CKAP5: variants seen among roughly 807,000 people sequenced by gnomAD.
The protein encoded by CKAP5 is cytoskeleton-associated protein 5.
CKAP5 carries 27 observed loss-of-function variants against 232.8 expected under a neutral mutation model. The ratio of observed to expected loss-of-function variants is 0.12; its 90% CI spans 0.09 to 0.16. The LOEUF is 0.16. Ranked by LOEUF, CKAP5 falls within the 10% of genes least tolerant of loss-of-function variation. CKAP5 has a pLI of 1.00. For missense variants in CKAP5, 1,838 were observed against 2,424.7 expected, an observed-to-expected ratio of 0.76 and a Z score of 5.08; for synonymous variants, 785 against 841.1, an observed-to-expected ratio of 0.93 and a Z score of 1.16.
At position 46,762,619 on chromosome 11, in the gene CKAP5, T is replaced by G; in HGVS notation, c.4027+8A>C. ...GATTCACATCTCAGTTTAAACTGTTTGCTTCACCTGCTCTCTGCTTAGAGT... is the reference window on the plus strand; with the variant it reads ...GATTCACATCTCAGTTTAAACTGTTGGCTTCACCTGCTCTCTGCTTAGAGT... On this transcript the variant is annotated splice_region_variant and intron_variant, in intron 31 of 43. Coordinates refer to ENST00000529230, the MANE Select transcript of CKAP5 (RefSeq NM_001008938.4). 1 of 1,614,012 alleles carries G rather than the reference T, an allele frequency of 6.2e-7. No individual in the cohort carries two copies. Among genetic ancestry groups the G allele is most frequent in the African/African-American group, 1.3e-5 (1 of 75,054 alleles).
rs749373690 is a variant in CKAP5 at position 46,783,376 on chromosome 11, G to C, written c.2155-8C>G. 1.9e-6 allele frequency: 3 copies of C among 1,539,366 alleles called. No individual in the cohort carries two copies. Among genetic ancestry groups the C allele is most frequent in the African/African-American group, 2.7e-5 (2 of 73,114 alleles). On this transcript the variant is annotated splice_region_variant and splice_polypyrimidine_tract_variant and intron_variant, in intron 17 of 43. Transcript: ENST00000529230. The stretch of plus-strand genomic sequence containing the variant: ...GAAAGCCATTGACACAACCTGAAAA[G>C]GGAAAAACAGCAGATCTGTGTTTTA...
intron 22 of CKAP5, 122 bp downstream of exon 22, chr11:46,778,017 A>G: frequency 2.7e-6 from 2 of 740,022 alleles, no homozygotes; most frequent in Non-Finnish European, 4.4e-6. Context: ...AAAGGCAGCT[A>G]TTTCTAGTTC....
In CKAP5 at chr11:46,763,376, C is replaced by T. The variant is rs937006910; in HGVS notation, c.3687+105G>A. The T allele has an allele frequency of 1.4e-5, 15 of 1,080,628 alleles. No homozygotes were observed. In the African/African-American group the frequency reaches 2.2e-4, roughly 16 times the overall value. 66.9% of individuals were successfully genotyped at this position (1,080,628 alleles called of 1,614,324 possible). ...ACAAGACAGCTCTAAAAATAGAGAACATAGTATATTCTACTTCCAAGTCAT... is the reference window on the plus strand; with the variant it reads ...ACAAGACAGCTCTAAAAATAGAGAATATAGTATATTCTACTTCCAAGTCAT... On this transcript the variant is annotated intron_variant, in intron 29 of 43. Transcript: ENST00000529230.
intron 1 of CKAP5, among the ~76,000 whole-genome samples, chr11:46,833,730 T>G (rs1939850032): frequency 6.6e-6 from 1 of 151,304 alleles, no homozygotes; most frequent in African/African-American, 2.4e-5. Context: ...GCCCGCCTCG[T>G]CCTCCCAAAC....
intron 32 of CKAP5, 82 bp from the exon 33 acceptor site, chr11:46,760,866 T>C (rs1237024768): frequency 1.7e-6 from 2 of 1,202,894 alleles, no homozygotes; most frequent in Non-Finnish European, 2.3e-6. Context: ...GAACCTTCTA[T>C]GTTAGGACAT....
At chr11:46,792,466 T>A (rs1938753048) in intron 13 of CKAP5, among the ~76,000 whole-genome samples, 1 of 151,856 alleles carries the variant, frequency 6.6e-6, no homozygotes, top group Admixed American at 6.6e-5. Flanking sequence ...GGCAGGAGAA[T>A]CACTTGAACC....
chr11:46,785,074 C>T (rs2065379465), intron 16 of CKAP5, among the ~76,000 whole-genome samples: 1 of 152,126 alleles, frequency 6.6e-6, no homozygotes, highest in African/African-American at 2.4e-5. Flanking sequence ...CCTACAAAAA[C>T]ACTACAACCC....
At chr11:46,795,246 T>C (rs569038142) in intron 13 of CKAP5, among the ~76,000 whole-genome samples, 3 of 151,960 alleles carry the variant, frequency 2.0e-5, no homozygotes, top group African/African-American at 7.2e-5. Flanking sequence ...GAGGATCACT[T>C]GAACCTGGGA....
intron 42 of CKAP5, among the ~76,000 whole-genome samples, chr11:46,745,360 T>C (rs975141038): frequency 1.3e-5 from 2 of 152,152 alleles, no homozygotes; most frequent in African/African-American, 4.8e-5. Flanking sequence ...GAGAATCCTC[T>C]GAGGGGGTGA....
chr11:46,799,264 G>A (rs1451316078), intron 9 of CKAP5, among the ~76,000 whole-genome samples: 1 of 151,924 alleles, frequency 6.6e-6, no homozygotes, highest in African/African-American at 2.4e-5. Flanking sequence ...TGCCCAGGCT[G>A]GGGAAGAAAA....
At chr11:46,746,501 A>C (rs943173297) in intron 42 of CKAP5, among the ~76,000 whole-genome samples, 1 of 152,200 alleles carries the variant, frequency 6.6e-6, no homozygotes, top group African/African-American at 2.4e-5. Context: ...AGTTGGTATA[A>C]CCTGCCACAC....
chr11:46,818,779 TATTAC>T (rs1939463753), intron 2 of CKAP5, among the ~76,000 whole-genome samples: 2 of 152,290 alleles, frequency 1.3e-5, no homozygotes, highest in African/African-American at 2.4e-5. Flanking sequence ...ATCTAAGAAT[TATTAC>T]TTCTTTATAA....
rs765658570 is a variant in CKAP5 at position 46,795,716 on chromosome 11, C to G, written c.1528G>C (p.Asp510His). The G allele has an allele frequency of 6.2e-7, 1 of 1,614,088 alleles. No homozygotes were observed. The highest frequency in any genetic ancestry group is 2.2e-5 in the East Asian group (1 of 44,890). The change falls in exon 13 of 44, where the codon GAT becomes CAT. Residue 510 changes from aspartate to histidine, a missense_variant. Asp to His is a moderately conservative substitution (Grantham distance 81). Coordinates refer to ENST00000529230, the MANE Select transcript of CKAP5 (RefSeq NM_001008938.4). Reference protein sequence around the residue: ...IHGKKAGLAADKKEFKPLPGR... With the variant: ...IHGKKAGLAAHKKEFKPLPGR... ...GGCAGAGGTTTGAATTCCTTCTTAT[C>G]AGCAGCTAGTCCAGCTTTCTTACCA... is the stretch of plus-strand genomic sequence containing the variant.
At chr11:46,789,169 A>G (rs2065424496) in intron 15 of CKAP5, among the ~76,000 whole-genome samples, 1 of 152,216 alleles carries the variant, frequency 6.6e-6, no homozygotes, top group Non-Finnish European at 1.5e-5. Context: ...TTGAAGTTCT[A>G]AAGTACCGAA....
Position 46,770,918 on chromosome 11 carries a change from C to G in CKAP5, c.3056G>C (p.Cys1019Ser). Residue 1019 changes from cysteine (C) to serine (S), a missense_variant, in exon 25 of 44, where the codon TGT becomes TCT. Transcript: ENST00000529230. ...TAGGCAGGAGTAGAGATGAGGAACACAAAGGATAAGGTCTGTAGGGGTGGA... is the reference window on the plus strand; with the variant it reads ...TAGGCAGGAGTAGAGATGAGGAACAGAAAGGATAAGGTCTGTAGGGGTGGA... Reference protein sequence around the residue: ...LRSTPTDLILCVPHLYSCLED... With the variant: ...LRSTPTDLILSVPHLYSCLED... 2 of 1,614,094 alleles carry G rather than the reference C, an allele frequency of 1.2e-6. No homozygotes were observed. Among genetic ancestry groups the G allele is most frequent in the Non-Finnish European group, 1.7e-6 (2 of 1,180,000 alleles).
chr11:46,808,096 C>T lies in CKAP5; in HGVS notation c.913G>A (p.Val305Ile). Residue 305 changes from valine (V) to isoleucine (I), a missense_variant, in exon 8 of 44, where the codon GTA becomes ATA. Physicochemically the swap from Val to Ile is conservative, Grantham distance 29 (BLOSUM62 3). This residue lies in a region of CKAP5 where 97 missense variants were observed against 167.7 expected (regional missense o/e 0.58). Transcript: ENST00000529230. ...ERKEALESVE[V>I]LIKNPKLEAG... is the part of the protein sequence containing the mutation. ...TCCAGTTTGGGGTTTTTTATTAGTA[C>T]TTCTACAGACTCCAGGGCCTCTTTT... The T allele has an allele frequency of 6.2e-7, 1 of 1,613,994 alleles. No individual in the cohort carries two copies.
At chr11:46,774,940 G>A (rs1418054637) in intron 24 of CKAP5, among the ~76,000 whole-genome samples, 2 of 152,118 alleles carry the variant, frequency 1.3e-5, no homozygotes, top group Non-Finnish European at 2.9e-5. Context: ...AAGACTTCGT[G>A]ACTAAAACAC....
Position 46,743,932 on chromosome 11 carries a change from T to C in CKAP5, c.*91A>G. 1 of 1,524,950 alleles carries C rather than the reference T, an allele frequency of 6.6e-7. No individual in the cohort carries two copies. Among genetic ancestry groups the C allele is most frequent in the South Asian group, 1.2e-5 (1 of 85,074 alleles). The allele number at this position is 1,524,950 out of a possible 1,614,324, so 94.5% of individuals were successfully genotyped here. A position where few individuals can be genotyped will look rare whatever the true frequency, so the allele number is the denominator to read the frequency against. ...CGGCATGATACATACAACCAGTTTG[T>C]ATACACTAGGCCTGCTGAGGCCATT... is the stretch of plus-strand genomic sequence containing the variant. On this transcript the variant is annotated 3_prime_UTR_variant, in exon 44 of 44. Coordinates refer to ENST00000529230, the MANE Select transcript of CKAP5 (RefSeq NM_001008938.4).
Position 46,752,189 on chromosome 11 carries a change from T to TACACAC in CKAP5, c.5133+445_5133+446insGTGTGT, listed in dbSNP as rs1167247937. Among the ~76,000 whole-genome samples the TACACAC allele has an allele frequency of 5.4e-4, 35 of 64,336 alleles. 1 individual carries two copies. Among genetic ancestry groups the TACACAC allele is most frequent in the African/African-American group, 2.7e-4 (6 of 21,860 alleles). The allele number at this position is 64,336 out of a possible 152,430, so 42.2% of individuals were successfully genotyped here. A position where few individuals can be genotyped will look rare whatever the true frequency, so the allele number is the denominator to read the frequency against. Reference sequence around the variant, plus strand: ...ATATATATATATATATATATATATATATATACACACACACACACACACACA... The same window carrying TACACAC: ...ATATATATATATATATATATATATATACACACATATACACACACACACACACACACA... On this transcript the variant is annotated intron_variant, in intron 38 of 43. Transcript: ENST00000529230.
Sources: allele counts gnomAD v4.1 joint callset (sites outside exome capture counted in the v4.1 genomes callset), GRCh38; gene constraint gnomAD v4.1.1; regional missense constraint gnomAD v4.1.1; transcripts MANE v1.5; gene names NCBI Gene and HGNC (gene_info 2026-07-23, HGNC 2026-07-21).